DLG2: variants seen among roughly 807,000 people sequenced by gnomAD.
The protein encoded by DLG2 is discs large MAGUK scaffold protein 2, also known as disks large homolog 2.
Under a neutral mutation model 132.5 loss-of-function variants are expected in DLG2, and 45 were observed. The observed-to-expected ratio is 0.34, with a 90% CI of 0.27 to 0.44. The LOEUF is 0.44. Ranked by LOEUF, DLG2 falls within the 20% of genes least tolerant of loss-of-function variation. DLG2 has a pLI of 1.00. For synonymous variants in DLG2, 424 were observed against 419.6 expected, an observed-to-expected ratio of 1.01 and a Z score of -0.13; for missense variants, 1,045 against 1,196.9, an observed-to-expected ratio of 0.87 and a Z score of 1.87.
At chr11:84,921,548 A>C (rs1035618257) in intron 6 of DLG2, among the ~76,000 whole-genome samples, 1 of 152,200 alleles carries the variant, frequency 6.6e-6, no homozygotes, top group African/African-American at 2.4e-5. Flanking sequence ...AGTAGGTAAG[A>C]GTAAAAAGAA....
chr11:85,525,131 T>C lies in DLG2; in HGVS notation c.40+73526A>G, dbSNP rs545542331. The C allele has an allele frequency of 9.8e-5, 15 of 152,328 alleles. No individual in the cohort carries two copies. The South Asian group carries it at 2.7e-3, about 27-fold the overall frequency. 9.4% of individuals were successfully genotyped at this position (152,328 alleles called of 1,614,324 possible). On this transcript the variant is annotated intron_variant, in intron 3 of 27. Coordinates refer to ENST00000376104, the MANE Select transcript of DLG2 (RefSeq NM_001142699.3). Reference sequence around the variant, plus strand: ...CACTATATAAATTTTACCTAAAAAATAGTTAATGTAATTTACCAAATTAAC... The same window carrying C: ...CACTATATAAATTTTACCTAAAAAACAGTTAATGTAATTTACCAAATTAAC...
intron 7 of DLG2, among the ~76,000 whole-genome samples, chr11:84,520,451 T>C (rs2099293114): frequency 6.6e-6 from 1 of 152,174 alleles, no homozygotes; most frequent in Non-Finnish European, 1.5e-5. Flanking sequence ...CATTCTAGCA[T>C]AGTGTAGAAT....
intron 8 of DLG2, among the ~76,000 whole-genome samples, chr11:84,207,973 C>T (rs1181926725): frequency 6.6e-6 from 1 of 152,012 alleles, no homozygotes; most frequent in Non-Finnish European, 1.5e-5. Context: ...AAAAGGCTCA[C>T]CTGAGTAACT....
At chr11:83,498,220 T>C (rs2094254155) in intron 21 of DLG2, among the ~76,000 whole-genome samples, 1 of 152,138 alleles carries the variant, frequency 6.6e-6, no homozygotes, top group Non-Finnish European at 1.5e-5. Context: ...CAGTTTTAGG[T>C]ATTTAAATGT....
At chr11:84,040,217 TA>T (rs1177233719) in intron 11 of DLG2, among the ~76,000 whole-genome samples, 1 of 151,368 alleles carries the variant, frequency 6.6e-6, no homozygotes, top group African/African-American at 2.4e-5. Flanking sequence ...AGAAGCTCTT[TA>T]GTTTAATTAG....
intron 11 of DLG2, among the ~76,000 whole-genome samples, chr11:84,035,485 C>G (rs1013773655): frequency 6.6e-6 from 1 of 152,160 alleles, no homozygotes; most frequent in African/African-American, 2.4e-5. Context: ...TAGCCAACTA[C>G]AAAAGCTGTA....
intron 6 of DLG2, among the ~76,000 whole-genome samples, chr11:85,098,964 A>C (rs1301166256): frequency 6.6e-6 from 1 of 152,180 alleles, no homozygotes; most frequent in Non-Finnish European, 1.5e-5. Context: ...CTTGTTGCTG[A>C]AGCAAGGGAG....
intron 6 of DLG2, among the ~76,000 whole-genome samples, chr11:85,072,224 G>A (rs911437857): frequency 6.6e-6 from 1 of 151,754 alleles, no homozygotes; most frequent in Admixed American, 6.6e-5. Flanking sequence ...GGCAGTCCTT[G>A]GCATATAGCA....
chr11:83,603,018 C>CTG (rs143333731), intron 19 of DLG2, among the ~76,000 whole-genome samples: 9 of 150,012 alleles, frequency 6.0e-5, no homozygotes, highest in Admixed American at 4.7e-4. Context: ...AACCCAGTGA[C>CTG]TGTGTGTGTG....
At chr11:85,042,055 T>C (rs1424681828) in intron 6 of DLG2, among the ~76,000 whole-genome samples, 1 of 151,646 alleles carries the variant, frequency 6.6e-6, no homozygotes, top group Non-Finnish European at 1.5e-5. Flanking sequence ...GTAACCAAAA[T>C]CACTTTTACC....
chr11:83,803,290 G>T (rs937205653), intron 17 of DLG2, among the ~76,000 whole-genome samples: 1 of 152,042 alleles, frequency 6.6e-6, no homozygotes, highest in African/African-American at 2.4e-5. Context: ...GGTATGAAAA[G>T]GTGTCTATTT....
chr11:83,457,619 A>G lies in DLG2; in HGVS notation c.*2199T>C, dbSNP rs1276127109. On this transcript the variant is annotated 3_prime_UTR_variant, in exon 28 of 28. Coordinates refer to ENST00000376104, the MANE Select transcript of DLG2 (RefSeq NM_001142699.3). ...GCGAAAACATCTACTCATTAATGAC[A>G]GTCTTTTAAATAAATGGTTGCATGC... 1 of 152,482 alleles carries G rather than the reference A, an allele frequency of 6.6e-6. No individual in the cohort carries two copies. The highest frequency in any genetic ancestry group is 1.5e-5 in the Non-Finnish European group (1 of 68,048). The allele number at this position is 152,482 out of a possible 1,614,324, so 9.4% of individuals were successfully genotyped here.
At chr11:83,935,600 C>G (rs2081272020) in intron 14 of DLG2, among the ~76,000 whole-genome samples, 1 of 152,078 alleles carries the variant, frequency 6.6e-6, no homozygotes, top group Non-Finnish European at 1.5e-5. Context: ...TATTCGCTCC[C>G]CTAATTCCAA....
intron 8 of DLG2, among the ~76,000 whole-genome samples, chr11:84,174,056 C>T (rs2154271913): frequency 8.7e-6 from 1 of 114,708 alleles, no homozygotes; most frequent in South Asian, 3.1e-4. Context: ...CACTTAAGTA[C>T]TGCCCTGGTC....
rs532648014 is a variant in DLG2, at chr11:83,775,936, C to CA, written c.1825+10753dup. 2.2e-3 allele frequency among the ~76,000 whole-genome samples: 332 copies of CA among 151,906 alleles called. 10 individuals are homozygous for CA. In the East Asian group the frequency reaches 0.05, roughly 23 times the overall value. On this transcript the variant is annotated intron_variant, in intron 18 of 27. Transcript: ENST00000376104. ...TGAAACCTCGTCTCTACTAAAAATA[C>CA]AAAAAATTAGCCAGGTGTGGTGGCA...
intron 21 of DLG2, among the ~76,000 whole-genome samples, chr11:83,500,075 G>A (rs1343470241): frequency 6.6e-6 from 1 of 151,146 alleles, no homozygotes; most frequent in Non-Finnish European, 1.5e-5. Flanking sequence ...CCCCTCCATA[G>A]CAGAACTTAT....
At chr11:83,940,724 G>A (rs931355788) in intron 14 of DLG2, among the ~76,000 whole-genome samples, 1 of 152,206 alleles carries the variant, frequency 6.6e-6, no homozygotes, top group African/African-American at 2.4e-5. Flanking sequence ...AACAAACTGT[G>A]ATTCTCACTA....
chr11:84,868,130 T>C (rs1469858753), intron 6 of DLG2, among the ~76,000 whole-genome samples: 1 of 147,728 alleles, frequency 6.8e-6, no homozygotes, highest in Non-Finnish European at 1.5e-5. Context: ...ATTATATTTA[T>C]TAATATTTTA....
chr11:85,042,158 G>A (rs936450197), intron 6 of DLG2, among the ~76,000 whole-genome samples: 1 of 151,950 alleles, frequency 6.6e-6, no homozygotes, highest in Non-Finnish European at 1.5e-5. Flanking sequence ...AAGAGGTGAT[G>A]TCAAGTAAGA....
Sources: allele counts gnomAD v4.1 joint callset (sites outside exome capture counted in the v4.1 genomes callset), GRCh38; gene constraint gnomAD v4.1.1; transcripts MANE v1.5; gene names NCBI Gene and HGNC (gene_info 2026-07-23, HGNC 2026-07-21).